The following PTPRN variants were observed in gnomAD, a reference collection of about 807,000 sequenced individuals.
The protein encoded by PTPRN is protein tyrosine phosphatase receptor type N, also known as receptor-type tyrosine-protein phosphatase-like N.
Under a neutral mutation model 108.5 loss-of-function variants are expected in PTPRN, and 70 were observed. That is an observed-to-expected ratio of 0.65 (90% CI 0.53 to 0.79). The LOEUF is 0.79. PTPRN is among the 30% of genes least tolerant of loss of function. The pLI is 0.00. For missense variants in PTPRN, 1,136 were observed against 1,295.5 expected (o/e 0.88, Z 1.89); for synonymous variants, 496 against 524.6 (o/e 0.95, Z 0.75).
In PTPRN at chr2:219,296,967, C is replaced by T. The variant is rs1208745734; in HGVS notation, c.2236+18G>A. On this transcript the variant is annotated intron_variant, in intron 15 of 22. Coordinates refer to ENST00000295718, the MANE Select transcript of PTPRN (RefSeq NM_002846.4). The surrounding 1 kb of genome is among the most constrained non-coding windows in gnomAD (Gnocchi z 6.0). ...CAGAGAGAGGGCTGGGCCAGGTGGG[C>T]CAGCAGGGTTCACTCACAGGGCAGG... 2 of 1,613,264 alleles carry T rather than the reference C, an allele frequency of 1.2e-6. No individual in the cohort carries two copies. Among genetic ancestry groups the T allele is most frequent in the African/African-American group, 2.7e-5 (2 of 74,910 alleles).
chr2:219,290,978 G>A lies in PTPRN; in HGVS notation c.2730-88C>T, dbSNP rs1574908195. On this transcript the variant is annotated intron_variant, in intron 20 of 22. Coordinates refer to ENST00000295718, the MANE Select transcript of PTPRN (RefSeq NM_002846.4). The surrounding 1 kb of genome is among the most constrained non-coding windows in gnomAD (Gnocchi z 4.2). ...AGGCGAGGAGGCCTGGAGGCCTGGG[G>A]GAGGGGAGGACACTGGGTGACCCGT... is the stretch of plus-strand genomic sequence containing the variant. 2.3e-6 allele frequency: 3 copies of A among 1,315,146 alleles called. No homozygotes were observed. Among genetic ancestry groups the A allele is most frequent in the Non-Finnish European group, 1.1e-6 (1 of 910,770 alleles). The allele number at this position is 1,315,146 out of a possible 1,614,324, so 81.5% of individuals were successfully genotyped here. A position where few individuals can be genotyped will look rare whatever the true frequency, so the allele number is the denominator to read the frequency against.
chr2:219,306,621 C>T (rs996884616), intron 3 of PTPRN, among the ~76,000 whole-genome samples: 3 of 152,156 alleles, frequency 2.0e-5, no homozygotes, highest in African/African-American at 4.8e-5. Flanking sequence ...CCCTATGAGG[C>T]CCTAAAGTGA....
Position 219,290,900 on chromosome 2 carries a change from G to T in PTPRN, c.2730-10C>A, listed in dbSNP as rs1223734445. ...CCTCCCCGCACCATCACTGAAACAG[G>T]AGTTAGTGACAGGTTTAGCTTGAGA... On this transcript the variant is annotated splice_polypyrimidine_tract_variant and intron_variant, in intron 20 of 22. Coordinates refer to ENST00000295718, the MANE Select transcript of PTPRN (RefSeq NM_002846.4). The surrounding 1 kb of genome is among the most constrained non-coding windows in gnomAD (Gnocchi z 4.2). The T allele has an allele frequency of 3.1e-6, 5 of 1,613,404 alleles. No individual in the cohort carries two copies. The highest frequency in any genetic ancestry group is 4.2e-6 in the Non-Finnish European group (5 of 1,179,462).
intron 7 of PTPRN, 63 bp from the exon 8 acceptor site, chr2:219,301,040 G>A: frequency 2.0e-6 from 3 of 1,526,788 alleles, no homozygotes; most frequent in South Asian, 1.1e-5. Flanking sequence ...CACAACACAA[G>A]TGGGAGAAAG....
At position 219,300,208 on chromosome 2, in the gene PTPRN, T is replaced by C. The variant is rs1952309777; in HGVS notation, c.1213A>G (p.Thr405Ala). ...GTGGGGTGTCCAGGCATGGGGGATG[T>C]GCGGGCTGGAAGCTCTGCTGTGTCT... ...GRDTAELPAR[T>A]SPMPGHPTAS... The change falls in exon 9 of 23, where the codon ACA becomes GCA. Residue 405 changes from threonine (T) to alanine (A), a missense_variant. By Grantham distance (58) the Thr-to-Ala change is moderately conservative (BLOSUM62 0). Coordinates refer to ENST00000295718, the MANE Select transcript of PTPRN (RefSeq NM_002846.4). The C allele has an allele frequency of 1.2e-6, 2 of 1,604,904 alleles. No individual in the cohort carries two copies. The highest frequency in any genetic ancestry group is 1.7e-6 in the Non-Finnish European group (2 of 1,174,798).
chr2:219,294,081 G>A (rs373271364), intron 19 of PTPRN: 5 of 526,656 alleles, frequency 9.5e-6, no homozygotes, highest in Admixed American at 3.9e-5. Flanking sequence ...GGTGGTCCCC[G>A]GGCCACATGT....
rs1291934673 is a variant in PTPRN at position 219,296,968 on chromosome 2, C to T, written c.2236+17G>A. ...AGAGAGAGGGCTGGGCCAGGTGGGC[C>T]AGCAGGGTTCACTCACAGGGCAGGA... On this transcript the variant is annotated intron_variant, in intron 15 of 22. Coordinates refer to ENST00000295718, the MANE Select transcript of PTPRN (RefSeq NM_002846.4). This position sits in a 1 kb window ranked among gnomAD's most constrained non-coding sequence, Gnocchi z 6.0. The T allele has an allele frequency of 6.2e-7, 1 of 1,613,548 alleles. No individual in the cohort carries two copies. Among genetic ancestry groups the T allele is most frequent in the Non-Finnish European group, 8.5e-7 (1 of 1,179,798 alleles).
chr2:219,290,933 G>A lies in PTPRN; in HGVS notation c.2730-43C>T, dbSNP rs532113957. On this transcript the variant is annotated intron_variant, in intron 20 of 22. Coordinates refer to ENST00000295718, the MANE Select transcript of PTPRN (RefSeq NM_002846.4). This position sits in a 1 kb window ranked among gnomAD's most constrained non-coding sequence, Gnocchi z 4.2. ...GACAGGTTTAGCTTGAGATGCAGCA[G>A]AAAGGGGGAGGGACGGAGGAGGCGA... The A allele has an allele frequency of 1.6e-5, 25 of 1,589,564 alleles. No individual in the cohort carries two copies. In the South Asian group the frequency reaches 2.7e-4, roughly 17 times the overall value.
Position 219,296,303 on chromosome 2 carries a change from G to A in PTPRN, c.2431C>T (p.Pro811Ser). 1.2e-6 allele frequency: 2 copies of A among 1,614,084 alleles called. No individual in the cohort carries two copies. The highest frequency in any genetic ancestry group is 1.7e-6 in the Non-Finnish European group (2 of 1,180,032). ...SGCTVIVMLT[P>S]LVEDGVKQCD... is the part of the protein sequence containing the mutation. ...TGCTTGACACCATCCTCCACCAGCG[G>A]GGTCAGCATGACGATGACGGTGCAG... is the stretch of plus-strand genomic sequence containing the variant. Residue 811 changes from proline (P) to serine (S), a missense_variant, in exon 18 of 23, where the codon CCG becomes TCG. Pro to Ser is a moderately conservative substitution (Grantham distance 74, BLOSUM62 -1). Coordinates refer to ENST00000295718, the MANE Select transcript of PTPRN (RefSeq NM_002846.4). This position sits in a 1 kb window ranked among gnomAD's most constrained non-coding sequence, Gnocchi z 6.0.
In PTPRN at chr2:219,296,041, T is replaced by C. The variant is rs982554648; in HGVS notation, c.2508+185A>G. On this transcript the variant is annotated intron_variant, in intron 18 of 22. Transcript: ENST00000295718. The surrounding 1 kb of genome is among the most constrained non-coding windows in gnomAD (Gnocchi z 6.0). ...TAAACAGGACACACACATGTATATA[T>C]GTGAATATATGGGTATGCATATATG... 5.2e-6 allele frequency: 4 copies of C among 762,590 alleles called. No individual in the cohort carries two copies. In the African/African-American group the frequency reaches 7.0e-5, roughly 13 times the overall value. The allele number at this position is 762,590 out of a possible 1,614,324, so 47.2% of individuals were successfully genotyped here.
Position 219,296,382 on chromosome 2 carries a change from TC to T in PTPRN, c.2389-38del, listed in dbSNP as rs1368252676. The T allele has an allele frequency of 1.9e-6, 3 of 1,613,816 alleles. No individual in the cohort carries two copies. The East Asian group carries it at 6.7e-5, about 36-fold the overall frequency. On this transcript the variant is annotated intron_variant, in intron 17 of 22. Transcript: ENST00000295718. This position sits in a 1 kb window ranked among gnomAD's most constrained non-coding sequence, Gnocchi z 6.0. ...GACCCAGTTGAGCTCCACTCTAACC[TC>T]CCTGGGACCTCGTGGCCACAAGGAC...
rs779867101 is a variant in PTPRN, at chr2:219,301,633, G to T, written c.1081C>A (p.Leu361Met). 8 of 1,613,550 alleles carry T rather than the reference G, an allele frequency of 5.0e-6. No individual in the cohort carries two copies. The South Asian group carries it at 8.8e-5, about 18-fold the overall frequency. Reference protein sequence around the residue: ...QLTPEQLSTLLTLLQLLPKGA... With the variant: ...QLTPEQLSTLMTLLQLLPKGA... ...TTGGGCAGTAGCTGCAGCAGGGTCA[G>T]GAGTGTGGAGAGCTGCTCAGGGGTC... The change falls in exon 7 of 23, where the codon CTG (leucine) becomes ATG (methionine). Residue 361 changes from leucine to methionine, a missense_variant. By Grantham distance (15) the Leu-to-Met change is conservative. Transcript: ENST00000295718.
intron 3 of PTPRN, among the ~76,000 whole-genome samples, chr2:219,305,767 C>A (rs1196001119): frequency 6.6e-6 from 1 of 152,212 alleles, no homozygotes; most frequent in Non-Finnish European, 1.5e-5. Flanking sequence ...ATATTCAAAG[C>A]TGAACACCCC....
chr2:219,295,176 G>A, intron 18 of PTPRN, 35 bp from the exon 19 acceptor site: 1 of 1,593,284 alleles, frequency 6.3e-7, no homozygotes, highest in Non-Finnish European at 8.5e-7. Context: ...AGCGCCGCGG[G>A]CTGCCCCAGT....
intron 19 of PTPRN, 119 bp from the exon 20 acceptor site, chr2:219,291,642 G>T: frequency 9.4e-7 from 1 of 1,069,144 alleles, no homozygotes; most frequent in South Asian, 1.5e-5. Context: ...GGGGCAGAGA[G>T]GGAAGATGGT....
Position 219,307,989 on chromosome 2 carries a change from G to A in PTPRN, c.116-147C>T, listed in dbSNP as rs985952498. 9 of 733,084 alleles carry A rather than the reference G, an allele frequency of 1.2e-5. No homozygotes were observed. In the East Asian group the frequency reaches 1.8e-4, roughly 15 times the overall value. 45.4% of individuals were successfully genotyped at this position (733,084 alleles called of 1,614,324 possible). On this transcript the variant is annotated intron_variant, in intron 1 of 22. Transcript: ENST00000295718. ...AAGCTGGGAGGAGAGTAGGAATCAG[G>A]CCTGAATTTCTTAAAAGGAAGCATG...
Position 219,302,641 on chromosome 2 carries a change from G to A in PTPRN, c.574C>T (p.Pro192Ser). The change falls in exon 5 of 23, where the codon CCA (proline) becomes TCA (serine). Residue 192 changes from proline to serine, a missense_variant. By Grantham distance (74) the Pro-to-Ser change is moderately conservative. Transcript: ENST00000295718. ...PPLLEHLLLP[P>S]QPPHPSLSYE... ...CTCAGTGAAGGGTGGGGAGGCTGTG[G>A]GGGCAGCAGCAGGTGCTCCAAGAGA... 1 of 1,613,890 alleles carries A rather than the reference G, an allele frequency of 6.2e-7. No homozygotes were observed. Among genetic ancestry groups the A allele is most frequent in the Non-Finnish European group, 8.5e-7 (1 of 1,179,968 alleles).
Position 219,297,724 on chromosome 2 carries a change from C to T in PTPRN, c.1887+161G>A, listed in dbSNP as rs969641855. On this transcript the variant is annotated intron_variant, in intron 13 of 22. Transcript: ENST00000295718. This position sits in a 1 kb window ranked among gnomAD's most constrained non-coding sequence, Gnocchi z 6.0. ...CAATTCCCATGCGTTCATAAAGGCC[C>T]CTACCATACTCCCTCCCACTGGGGC... Among the ~76,000 whole-genome samples, 3 of 152,160 alleles carry T rather than the reference C, an allele frequency of 2.0e-5. No individual in the cohort carries two copies. The highest frequency in any genetic ancestry group is 4.4e-5 in the Non-Finnish European group (3 of 68,032).
Position 219,297,548 on chromosome 2 carries a change from C to A in PTPRN, c.1888-115G>T. ...TTGACTGATTTTCAGTGGAACTCAG[C>A]TCCTCTGGGGTATGGTCTTCTGCCT... On this transcript the variant is annotated intron_variant, in intron 13 of 22. Coordinates refer to ENST00000295718, the MANE Select transcript of PTPRN (RefSeq NM_002846.4). The surrounding 1 kb of genome is among the most constrained non-coding windows in gnomAD (Gnocchi z 6.0). 9.6e-7 allele frequency: 1 copy of A among 1,040,860 alleles called. No homozygotes were observed. Among genetic ancestry groups the A allele is most frequent in the Non-Finnish European group, 1.4e-6 (1 of 708,670 alleles). The allele number at this position is 1,040,860 out of a possible 1,614,324, so 64.5% of individuals were successfully genotyped here.
Sources: gnomAD v4.1 joint callset for allele counts (sites outside exome capture counted in the v4.1 genomes callset) on GRCh38, gnomAD v4.1.1 for gene constraint, Gnocchi (gnomAD v3.1) non-coding constraint, MANE v1.5 for transcripts, NCBI Gene and HGNC (gene_info 2026-07-23, HGNC 2026-07-21) for gene names.